The following FILIP1 variants were observed in gnomAD, a reference collection of about 807,000 sequenced individuals.
FILIP1 encodes filamin A interacting protein 1.
In FILIP1, 61 loss-of-function variants were observed where a neutral mutation model predicts 102.1. That is an observed-to-expected ratio of 0.60 (90% CI 0.49 to 0.74). FILIP1 has a LOEUF of 0.74. Among genes scored for constraint, FILIP1 ranks in the 30% least tolerant of loss-of-function variants. The pLI is 0.00. For synonymous variants in FILIP1, 491 were observed against 526.9 expected, an observed-to-expected ratio of 0.93 and a Z score of 0.93; for missense variants, 1,314 against 1,441.2, an observed-to-expected ratio of 0.91 and a Z score of 1.43.
chr6:75,428,877 T>G (rs909581170), intron 1 of FILIP1, among the ~76,000 whole-genome samples: 1 of 152,158 alleles, frequency 6.6e-6, no homozygotes, highest in African/African-American at 2.4e-5. Flanking sequence ...ATTTAGATTT[T>G]GTTGAAAAAG....
chr6:75,296,006 C>T, intron 6 of FILIP1: 1 of 1,209,978 alleles, frequency 8.3e-7, no homozygotes, highest in Non-Finnish European at 1.1e-6. Flanking sequence ...GAGAATCAAG[C>T]TACATCATTT....
At chr6:75,417,198 TG>T (rs1305214350) in intron 1 of FILIP1, among the ~76,000 whole-genome samples, 1 of 152,178 alleles carries the variant, frequency 6.6e-6, no homozygotes, top group African/African-American at 2.4e-5. Context: ...AGGTTAATTT[TG>T]TCTTAACAAA....
chr6:75,321,445 A>G (rs1180567110), intron 4 of FILIP1, among the ~76,000 whole-genome samples: 3 of 152,304 alleles, frequency 2.0e-5, no homozygotes, highest in East Asian at 1.9e-4. Flanking sequence ...TAAAAAGCTT[A>G]GTAATTGTTA....
intron 2 of FILIP1, among the ~76,000 whole-genome samples, chr6:75,401,476 CTTGT>C (rs1483982026): frequency 6.6e-6 from 1 of 152,030 alleles, no homozygotes; most frequent in East Asian, 1.9e-4. Context: ...AGATTAGTAC[CTTGT>C]TTGTTTTTCT....
downstream of FILIP1, among the ~76,000 whole-genome samples, chr6:75,303,404 A>G (rs920302543): frequency 3.9e-5 from 6 of 152,214 alleles, no homozygotes; most frequent in African/African-American, 1.4e-4. Flanking sequence ...TATTGTGTAT[A>G]CATAAAATAA....
intron 1 of FILIP1, among the ~76,000 whole-genome samples, chr6:75,427,247 G>A (rs952104630): frequency 6.6e-6 from 1 of 152,194 alleles, no homozygotes; most frequent in Non-Finnish European, 1.5e-5. Context: ...CAAGGAAGGA[G>A]TATAGGACAG....
exon 7 of FILIP1, chr6:75,295,881 C>T: frequency 7.1e-7 from 1 of 1,402,522 alleles, no homozygotes; most frequent in South Asian, 1.6e-5. Flanking sequence ...AGGTCGTACA[C>T]ACACCCAGTA....
chr6:75,362,942 C>A (rs575681344), intron 2 of FILIP1, 25 bp from the exon 3 acceptor site: 1 of 1,607,634 alleles, frequency 6.2e-7, no homozygotes, highest in East Asian at 2.2e-5. Flanking sequence ...GCAGCAAGAT[C>A]AGACGACTGA....
intron 1 of FILIP1, among the ~76,000 whole-genome samples, chr6:75,464,289 TATTTA>T (rs1474554764): frequency 1.3e-5 from 2 of 152,220 alleles, no homozygotes; most frequent in Non-Finnish European, 2.9e-5. Context: ...AAATGAAGTC[TATTTA>T]AAGTACAGTG....
intron 2 of FILIP1, among the ~76,000 whole-genome samples, chr6:75,395,733 A>G (rs1032806529): frequency 2.0e-5 from 3 of 152,216 alleles, no homozygotes; most frequent in Non-Finnish European, 2.9e-5. Flanking sequence ...ATGTGATTAC[A>G]ATAAGACTCT....
downstream of FILIP1, among the ~76,000 whole-genome samples, chr6:75,306,474 A>G (rs1772989408): frequency 6.6e-6 from 1 of 152,218 alleles, no homozygotes; most frequent in Admixed American, 6.5e-5. Flanking sequence ...ATTCGCTCAA[A>G]TACAATACGT....
At chr6:75,360,150 G>A (rs1037778875) in intron 3 of FILIP1, among the ~76,000 whole-genome samples, 1 of 152,206 alleles carries the variant, frequency 6.6e-6, no homozygotes, top group South Asian at 2.1e-4. Flanking sequence ...TGCTATGGCT[G>A]AAGATTTTCT....
At chr6:75,399,504 C>A (rs1053085593) in intron 2 of FILIP1, among the ~76,000 whole-genome samples, 1 of 152,090 alleles carries the variant, frequency 6.6e-6, no homozygotes, top group African/African-American at 2.4e-5. Flanking sequence ...GATTTAAAAT[C>A]ATTAGCTTTC....
intron 2 of FILIP1, among the ~76,000 whole-genome samples, chr6:75,393,294 T>C (rs1309312393): frequency 2.0e-5 from 3 of 152,156 alleles, no homozygotes; most frequent in African/African-American, 7.2e-5. Context: ...ATAAAGTTAT[T>C]CATATATATT....
At position 75,362,663 on chromosome 6, in the gene FILIP1, GT is replaced by G; in HGVS notation, c.450+80del. 3 of 1,423,722 alleles carry G rather than the reference GT, an allele frequency of 2.1e-6. No individual in the cohort carries two copies. The South Asian group carries it at 3.8e-5, about 18-fold the overall frequency. The allele number at this position is 1,423,722 out of a possible 1,614,324, so 88.2% of individuals were successfully genotyped here. A position where few individuals can be genotyped will look rare whatever the true frequency, so the allele number is the denominator to read the frequency against. ...CAAAATTTTGCCTTTGAAAGAAAAT[GT>G]TAAAGCATGTAAATGGAAGAATGTG... On this transcript the variant is annotated intron_variant, in intron 3 of 5. Transcript: ENST00000237172.
intron 1 of FILIP1, among the ~76,000 whole-genome samples, chr6:75,438,642 A>C (rs1778103373): frequency 6.6e-6 from 1 of 152,222 alleles, no homozygotes; most frequent in Admixed American, 6.5e-5. Flanking sequence ...GCTAAAAAAA[A>C]AAGGCAGCAT....
intron 2 of FILIP1, among the ~76,000 whole-genome samples, chr6:75,395,876 A>G (rs546725195): frequency 1.3e-5 from 2 of 152,152 alleles, no homozygotes; most frequent in South Asian, 2.1e-4. Context: ...AAATAATTGA[A>G]TAAGCTTTTA....
chr6:75,383,933 T>C (rs1177607390), intron 2 of FILIP1, among the ~76,000 whole-genome samples: 2 of 152,192 alleles, frequency 1.3e-5, no homozygotes, highest in African/African-American at 4.8e-5. Context: ...CATATACATA[T>C]ATCCATATAG....
intron 2 of FILIP1, among the ~76,000 whole-genome samples, chr6:75,368,299 T>G (rs1010435345): frequency 6.6e-6 from 1 of 152,146 alleles, no homozygotes; most frequent in Non-Finnish European, 1.5e-5. Context: ...GGCCCACAGG[T>G]GAGTGTGCGA....
Sources: allele counts gnomAD v4.1 joint callset (sites outside exome capture counted in the v4.1 genomes callset), GRCh38; gene constraint gnomAD v4.1.1; transcripts MANE v1.5; gene names NCBI Gene and HGNC (gene_info 2026-07-23, HGNC 2026-07-21).